The following CYP27C1 variants were observed in gnomAD, a reference collection of about 807,000 sequenced individuals.
CYP27C1 encodes cytochrome P450 family 27 subfamily C member 1.
CYP27C1 carries 29 observed loss-of-function variants against 40.6 expected under a neutral mutation model. That is an observed-to-expected ratio of 0.71 (90% CI 0.53 to 0.97). The LOEUF (loss-of-function observed/expected upper bound fraction) is 0.97, where lower values mean the gene tolerates loss of function less well. Ranked by LOEUF, CYP27C1 falls within the 50% of genes least tolerant of loss-of-function variation. CYP27C1 has a pLI of 0.00. For missense variants in CYP27C1, 390 were observed against 485.8 expected, an observed-to-expected ratio of 0.80 and a Z score of 1.85; for synonymous variants, 198 against 186.8, an observed-to-expected ratio of 1.06 and a Z score of -0.49.
In CYP27C1 at chr2:127,196,533, C is replaced by CA. The variant is rs35569428; in HGVS notation, c.1048-1033dup. On this transcript the variant is annotated intron_variant, in intron 5 of 8. Transcript: ENST00000664447. This position sits in a 1 kb window ranked among gnomAD's most constrained non-coding sequence, Gnocchi z 4.5. ...CAGTATAAAGGCCTTTCTCTTTCAC[C>CA]AAAAAAAAAAAACTAATTTAAGCAG... Among the ~76,000 whole-genome samples, 36 of 147,914 alleles carry CA rather than the reference C, an allele frequency of 2.4e-4. No homozygotes were observed. Among genetic ancestry groups the CA allele is most frequent in the Non-Finnish European group, 2.2e-4 (15 of 66,808 alleles).
rs1343654347 is a variant in CYP27C1 at position 127,185,926 on chromosome 2, C to T, written c.*1345G>A. ...ACAGAACTCCTCAGGACCCAGCACTCCCGGAGCCACGGCTTCCCAGAGAGC... is the reference window on the plus strand; with the variant it reads ...ACAGAACTCCTCAGGACCCAGCACTTCCGGAGCCACGGCTTCCCAGAGAGC... On this transcript the variant is annotated 3_prime_UTR_variant, in exon 9 of 9. Transcript: ENST00000664447. The surrounding 1 kb of genome is among the most constrained non-coding windows in gnomAD (Gnocchi z 4.9). 1 of 152,204 alleles carries T rather than the reference C, an allele frequency of 6.6e-6. No individual in the cohort carries two copies. The highest frequency in any genetic ancestry group is 1.5e-5 in the Non-Finnish European group (1 of 68,042). The allele number at this position is 152,204 out of a possible 1,614,324, so 9.4% of individuals were successfully genotyped here.
At chr2:127,189,634 A>AAG (rs1241204368) in intron 8 of CYP27C1, among the ~76,000 whole-genome samples, 2 of 151,960 alleles carry the variant, frequency 1.3e-5, no homozygotes, top group African/African-American at 4.8e-5. Context: ...AAAAAAAAAA[A>AAG]AAAAGAAAGG....
intron 1 of CYP27C1, among the ~76,000 whole-genome samples, chr2:127,211,478 G>A (rs1340160133): frequency 2.0e-5 from 3 of 149,032 alleles, no homozygotes; most frequent in Non-Finnish European, 4.4e-5. Context: ...CGCCTCCCGG[G>A]TTCATGCCAT....
At chr2:127,204,282 A>AG (rs1683108828) in intron 2 of CYP27C1, among the ~76,000 whole-genome samples, 1 of 109,278 alleles carries the variant, frequency 9.2e-6, no homozygotes, top group African/African-American at 3.8e-5. Flanking sequence ...AAAAGAAAGA[A>AG]AGAGAGAGAG....
At chr2:127,213,784 A>G (rs1683378090) in intron 1 of CYP27C1, among the ~76,000 whole-genome samples, 1 of 152,222 alleles carries the variant, frequency 6.6e-6, no homozygotes, top group African/African-American at 2.4e-5. Context: ...AGACACCAAA[A>G]GCAATTGCAA....
intron 7 of CYP27C1, 99 bp from the exon 8 acceptor site, chr2:127,193,396 C>CCCGCCTGGGGG: frequency 6.8e-7 from 1 of 1,473,122 alleles, no homozygotes; most frequent in Non-Finnish European, 9.3e-7. Flanking sequence ...CCGGGGTGCT[C>CCCGCCTGGGGG]CCGCCTGGGG....
Position 127,187,173 on chromosome 2 carries a change from G to GACATCGCTTTC in CYP27C1, c.*87_*97dup. ...AGTCTATAACAAGACAGCCTTTAGC[G>GACATCGCTTTC]ACATCGCTTTCCTTCTCCACGGTGA... On this transcript the variant is annotated 3_prime_UTR_variant, in exon 9 of 9. Transcript: ENST00000664447. 1 of 984,838 alleles carries GACATCGCTTTC rather than the reference G, an allele frequency of 1.0e-6. No homozygotes were observed. Among genetic ancestry groups the GACATCGCTTTC allele is most frequent in the Non-Finnish European group, 1.6e-6 (1 of 632,192 alleles). 61.0% of individuals were successfully genotyped at this position (984,838 alleles called of 1,614,324 possible).
intron 4 of CYP27C1, among the ~76,000 whole-genome samples, chr2:127,199,903 A>G (rs1682993261): frequency 1.3e-5 from 2 of 152,184 alleles, no homozygotes; most frequent in Admixed American, 1.3e-4. Context: ...AGTGGAGGGG[A>G]AAAGGCCACA....
rs1193191481 is a variant in CYP27C1 at position 127,209,775 on chromosome 2, G to A, written c.283-3685C>T. On this transcript the variant is annotated intron_variant, in intron 1 of 8. Coordinates refer to ENST00000664447, the MANE Select transcript of CYP27C1 (RefSeq NM_001367502.1). This position sits in a 1 kb window ranked among gnomAD's most constrained non-coding sequence, Gnocchi z 4.1. ...GGAAGAAAGGATATCAGAATTTGAA[G>A]ACCACCTTACTGAAATAAGACATGC... Among the ~76,000 whole-genome samples the A allele has an allele frequency of 1.3e-5, 2 of 152,112 alleles. No homozygotes were observed. Among genetic ancestry groups the A allele is most frequent in the East Asian group, 3.8e-4 (2 of 5,198 alleles).
In CYP27C1 at chr2:127,201,030, G is replaced by A; in HGVS notation, c.883+92C>T. On this transcript the variant is annotated intron_variant, in intron 4 of 8. Coordinates refer to ENST00000664447, the MANE Select transcript of CYP27C1 (RefSeq NM_001367502.1). The surrounding 1 kb of genome is among the most constrained non-coding windows in gnomAD (Gnocchi z 6.0). ...ACGTGACTACATCTAGGCATCCTCT[G>A]CTATGGTCACCCATTGTCTGGATGA... is the stretch of plus-strand genomic sequence containing the variant. 1.6e-6 allele frequency: 2 copies of A among 1,279,918 alleles called. No homozygotes were observed. Among genetic ancestry groups the A allele is most frequent in the South Asian group, 2.6e-5 (2 of 76,182 alleles). 79.3% of individuals were successfully genotyped at this position (1,279,918 alleles called of 1,614,324 possible).
rs1433536024 is a variant in CYP27C1 at position 127,196,015 on chromosome 2, A to G, written c.1048-514T>C. Reference sequence around the variant, plus strand: ...TAGCCATCGTGTCCTGCCTTCATCAAGTAAGGTCCACACAGAGCAAGTCAA... The same window carrying G: ...TAGCCATCGTGTCCTGCCTTCATCAGGTAAGGTCCACACAGAGCAAGTCAA... On this transcript the variant is annotated intron_variant, in intron 5 of 8. Transcript: ENST00000664447. This position sits in a 1 kb window ranked among gnomAD's most constrained non-coding sequence, Gnocchi z 4.5. 6.6e-6 allele frequency among the ~76,000 whole-genome samples: 1 copy of G among 152,060 alleles called. No individual in the cohort carries two copies. The highest frequency in any genetic ancestry group is 1.5e-5 in the Non-Finnish European group (1 of 68,028).
At chr2:127,189,463 G>A (rs887830392) in intron 8 of CYP27C1, among the ~76,000 whole-genome samples, 1 of 152,018 alleles carries the variant, frequency 6.6e-6, no homozygotes, top group Non-Finnish European at 1.5e-5. Flanking sequence ...GGGGGATAGG[G>A]GGAAGAGGAG....
intron 1 of CYP27C1, among the ~76,000 whole-genome samples, chr2:127,214,781 TGTTTTTTTTTTTTTTTTTG>T (rs1269173850): frequency 5.2e-5 from 7 of 135,042 alleles, no homozygotes; most frequent in Non-Finnish European, 9.6e-5. Flanking sequence ...ATCCGTTTTT[TGTTTTTTTTTTTTTTTTTG>T]GTTTTTTTTT....
rs182155256 is a variant in CYP27C1, at chr2:127,191,892, C to G, written c.1497+1202G>C. Among the ~76,000 whole-genome samples, 416 of 152,344 alleles carry G rather than the reference C, an allele frequency of 2.7e-3. 1 individual carries two copies. The highest frequency in any genetic ancestry group is 8.3e-3 in the South Asian group (40 of 4,830). ...CACCAGCCCCACCCCAGCAGAGTCT[C>G]ATGGGCCACCTGTGCCTCCAGAGCC... On this transcript the variant is annotated intron_variant, in intron 8 of 8. Coordinates refer to ENST00000664447, the MANE Select transcript of CYP27C1 (RefSeq NM_001367502.1).
At chr2:127,188,012 C>T (rs1378978995) in intron 8 of CYP27C1, among the ~76,000 whole-genome samples, 2 of 152,126 alleles carry the variant, frequency 1.3e-5, no homozygotes, top group African/African-American at 4.8e-5. Flanking sequence ...AAGCAATTAT[C>T]TCCCCCGGCG....
Position 127,203,682 on chromosome 2 carries a change from C to T in CYP27C1, c.474-111G>A, listed in dbSNP as rs530006540. 14 of 1,094,766 alleles carry T rather than the reference C, an allele frequency of 1.3e-5. No individual in the cohort carries two copies. The Admixed American group carries it at 2.3e-4, about 18-fold the overall frequency. The allele number at this position is 1,094,766 out of a possible 1,614,324, so 67.8% of individuals were successfully genotyped here. A position where few individuals can be genotyped will look rare whatever the true frequency, so the allele number is the denominator to read the frequency against. Reference sequence around the variant, plus strand: ...GCCATAAAGAATCAACAAGAGCTGCCCAACAAAGTAGAATTAAGACAGGAA... The same window carrying T: ...GCCATAAAGAATCAACAAGAGCTGCTCAACAAAGTAGAATTAAGACAGGAA... On this transcript the variant is annotated intron_variant, in intron 2 of 8. Transcript: ENST00000664447.
chr2:127,204,461 AAAG>A (rs1445211136), intron 2 of CYP27C1, among the ~76,000 whole-genome samples: 1 of 52,078 alleles, frequency 1.9e-5, no homozygotes, highest in Non-Finnish European at 4.0e-5. Context: ...AGAAAGAAAG[AAAG>A]AAAGAAAGAA....
chr2:127,187,895 G>A (rs1365302484), intron 8 of CYP27C1, among the ~76,000 whole-genome samples: 4 of 152,298 alleles, frequency 2.6e-5, no homozygotes, highest in African/African-American at 9.6e-5. Flanking sequence ...TTCTTGGTTC[G>A]TAACTTTGAT....
intron 2 of CYP27C1, among the ~76,000 whole-genome samples, chr2:127,204,648 G>C (rs1341133066): frequency 6.6e-6 from 1 of 150,844 alleles, no homozygotes; most frequent in Non-Finnish European, 1.5e-5. Context: ...TGTTACCAGG[G>C]TGTGGGAAAG....
Sources: allele counts gnomAD v4.1 joint callset (sites outside exome capture counted in the v4.1 genomes callset), GRCh38; gene constraint gnomAD v4.1.1; non-coding constraint Gnocchi (gnomAD v3.1); transcripts MANE v1.5; gene names NCBI Gene and HGNC (gene_info 2026-07-23, HGNC 2026-07-21).